Variants in ASAP1 observed in about 807,000 individuals in gnomAD.
ASAP1 encodes ArfGAP with SH3 domain, ankyrin repeat and PH domain 1.
In ASAP1, 43 loss-of-function variants were observed where a neutral mutation model predicts 145.2. The ratio of observed to expected loss-of-function variants is 0.30; its 90% confidence interval spans 0.23 to 0.38. The LOEUF is 0.38. Ranked by LOEUF, ASAP1 falls within the 10% of genes least tolerant of loss-of-function variation. The pLI is 1.00. For missense variants in ASAP1, 1,018 were observed against 1,355.3 expected, an observed-to-expected ratio of 0.75 and a Z score of 3.91; for synonymous variants, 546 against 515.5, an observed-to-expected ratio of 1.06 and a Z score of -0.80.
At chr8:130,443,069 G>A (rs1401609747) in intron 1 of ASAP1, among the ~76,000 whole-genome samples, 1 of 152,114 alleles carries the variant, frequency 6.6e-6, no homozygotes, top group Non-Finnish European at 1.5e-5. Context: ...GACAATGCCG[G>A]GAGGGCGCCC....
chr8:130,358,000 G>T lies in ASAP1; in HGVS notation c.186+17C>A, dbSNP rs376140494. On this transcript the variant is annotated intron_variant, in intron 3 of 29. Coordinates refer to ENST00000518721, the MANE Select transcript of ASAP1 (RefSeq NM_018482.4). ...GCAGCGGCGAGCGTGGACGGCGGGGGTCCCGGCCCGACCTACCTCCTCCAG... is the reference window on the plus strand; with the variant it reads ...GCAGCGGCGAGCGTGGACGGCGGGGTTCCCGGCCCGACCTACCTCCTCCAG... 1.3e-6 allele frequency: 2 copies of T among 1,598,118 alleles called. No homozygotes were observed. Among genetic ancestry groups the T allele is most frequent in the Non-Finnish European group, 8.5e-7 (1 of 1,175,190 alleles).
Position 130,125,978 on chromosome 8 carries a change from T to C in ASAP1, c.1493A>G (p.Lys498Arg). 1 of 1,613,560 alleles carries C rather than the reference T, an allele frequency of 6.2e-7. No individual in the cohort carries two copies. The highest frequency in any genetic ancestry group is 1.1e-5 in the South Asian group (1 of 90,946). ...ISRIQSLELD[K>R]LGTSELLLAK... ...TACCAAGAGTTCAGAAGTTCCTAAT[T>C]TGTCTAGTTCCAAAGACTGAATGCG... is the stretch of plus-strand genomic sequence containing the variant. Residue 498 changes from lysine to arginine, a missense_variant, in exon 17 of 30, where the codon AAA becomes AGA. Physicochemically the swap from Lys to Arg is conservative, Grantham distance 26. Coordinates refer to ENST00000518721, the MANE Select transcript of ASAP1 (RefSeq NM_018482.4).
chr8:130,206,618 G>A (rs1816241112), intron 5 of ASAP1, among the ~76,000 whole-genome samples: 1 of 152,158 alleles, frequency 6.6e-6, no homozygotes, highest in Non-Finnish European at 1.5e-5. Context: ...GCAAGCTATA[G>A]AATTGTCCAA....
At chr8:130,320,500 A>T (rs1411766047) in intron 3 of ASAP1, among the ~76,000 whole-genome samples, 1 of 152,076 alleles carries the variant, frequency 6.6e-6, no homozygotes, top group Non-Finnish European at 1.5e-5. Flanking sequence ...GGTTGCAGCG[A>T]GCACCACTAC....
At chr8:130,210,401 A>G (rs1816505541) in intron 5 of ASAP1, among the ~76,000 whole-genome samples, 1 of 152,234 alleles carries the variant, frequency 6.6e-6, no homozygotes, top group African/African-American at 2.4e-5. Context: ...AAGACAGTAA[A>G]TATGAATAGA....
At chr8:130,289,794 T>C (rs1373806738) in intron 3 of ASAP1, among the ~76,000 whole-genome samples, 2 of 152,208 alleles carry the variant, frequency 1.3e-5, no homozygotes, top group Non-Finnish European at 2.9e-5. Flanking sequence ...AGAAAGAAAT[T>C]ACAGTATACT....
chr8:130,186,272 G>C (rs1422150664), intron 7 of ASAP1, among the ~76,000 whole-genome samples: 1 of 152,132 alleles, frequency 6.6e-6, no homozygotes, highest in African/African-American at 2.4e-5. Flanking sequence ...ATATTCCTAA[G>C]ACAGCAAGTC....
At chr8:130,225,747 A>T (rs1298968985) in intron 4 of ASAP1, among the ~76,000 whole-genome samples, 9 of 152,230 alleles carry the variant, frequency 5.9e-5, no homozygotes. Flanking sequence ...GCAGCATACC[A>T]TACAGGCACC....
intron 1 of ASAP1, among the ~76,000 whole-genome samples, chr8:130,428,903 CAATTCAGGAGGCTAG>C (rs1176924336): frequency 6.6e-6 from 1 of 152,174 alleles, no homozygotes; most frequent in African/African-American, 2.4e-5. Flanking sequence ...TATTCTCTCA[CAATTCAGGAGGCTAG>C]AATTCCAAAA....
At chr8:130,298,885 T>C (rs1347632108) in intron 3 of ASAP1, among the ~76,000 whole-genome samples, 4 of 152,314 alleles carry the variant, frequency 2.6e-5, no homozygotes, top group South Asian at 4.1e-4. Context: ...TGTTTATTCA[T>C]ATGTCTGCCC....
intron 5 of ASAP1, among the ~76,000 whole-genome samples, chr8:130,203,264 C>T (rs1159783179): frequency 1.3e-5 from 2 of 152,216 alleles, no homozygotes; most frequent in Admixed American, 6.5e-5. Context: ...TATACTCTTG[C>T]TCCCAGGCAA....
intron 1 of ASAP1, among the ~76,000 whole-genome samples, chr8:130,434,697 C>T (rs1398199235): frequency 3.9e-5 from 6 of 152,120 alleles, no homozygotes; most frequent in East Asian, 3.9e-4. Flanking sequence ...GAGGAGGAGC[C>T]GCAAAGAACA....
intron 3 of ASAP1, among the ~76,000 whole-genome samples, chr8:130,287,239 T>A (rs1821671184): frequency 1.3e-5 from 2 of 152,136 alleles, no homozygotes; most frequent in Non-Finnish European, 2.9e-5. Flanking sequence ...AAATAATAGT[T>A]AGATGGATGA....
chr8:130,166,147 C>T (rs922334003), intron 11 of ASAP1, among the ~76,000 whole-genome samples: 5 of 152,132 alleles, frequency 3.3e-5, no homozygotes, highest in Non-Finnish European at 5.9e-5. Flanking sequence ...GCTGGGACTA[C>T]AGGCACATGC....
intron 3 of ASAP1, among the ~76,000 whole-genome samples, chr8:130,328,043 G>A (rs1244079533): frequency 6.6e-6 from 1 of 152,090 alleles, no homozygotes; most frequent in Non-Finnish European, 1.5e-5. Flanking sequence ...TACACACTGA[G>A]TTTTATTATC....
chr8:130,403,277 G>A (rs1405417483), intron 1 of ASAP1, among the ~76,000 whole-genome samples: 1 of 149,866 alleles, frequency 6.7e-6, no homozygotes, highest in Non-Finnish European at 1.5e-5. Flanking sequence ...GTCAAAAATG[G>A]TGTCTTTAAC....
chr8:130,126,350 C>G (rs779709666), intron 16 of ASAP1, among the ~76,000 whole-genome samples: 7 of 152,192 alleles, frequency 4.6e-5, no homozygotes, highest in Non-Finnish European at 7.3e-5. Context: ...TGCAACACCT[C>G]TAGGCCTGTG....
chr8:130,364,871 C>G (rs910062453), intron 2 of ASAP1, among the ~76,000 whole-genome samples: 1 of 152,084 alleles, frequency 6.6e-6, no homozygotes, highest in Non-Finnish European at 1.5e-5. Flanking sequence ...TTGAGGCTGC[C>G]GTGAGCTATG....
chr8:130,431,420 T>A (rs1830130759), intron 1 of ASAP1, among the ~76,000 whole-genome samples: 3 of 152,214 alleles, frequency 2.0e-5, no homozygotes, highest in African/African-American at 7.2e-5. Flanking sequence ...ACCTCAAACG[T>A]TAGGTTCCAA....
Sources: allele counts gnomAD v4.1 joint callset (sites outside exome capture counted in the v4.1 genomes callset), GRCh38; gene constraint gnomAD v4.1.1; transcripts MANE v1.5; gene names NCBI Gene and HGNC (gene_info 2026-07-23, HGNC 2026-07-21).